The following ZNF254 variants were observed in gnomAD, a reference collection of about 807,000 sequenced individuals.
The protein encoded by ZNF254 is CTD-2017D11.1.
ZNF254 carries 10 observed loss-of-function variants against 12.4 expected under a neutral mutation model. That is an observed-to-expected ratio of 0.80 (90% CI 0.50 to 1.36). The LOEUF is 1.36. Ranked by LOEUF, ZNF254 falls within the 40% of genes most tolerant of loss-of-function variation. The pLI is 0.00. For synonymous variants in ZNF254, 305 were observed against 253.4 expected, an observed-to-expected ratio of 1.20 and a Z score of -1.93; for missense variants, 996 against 763.9, an observed-to-expected ratio of 1.30 and a Z score of -3.58.
At position 24,127,915 on chromosome 19, in the gene ZNF254, T is replaced by C. The variant is rs200854021; in HGVS notation, c.1915T>C (p.Phe639Leu). 180 of 1,610,620 alleles carry C rather than the reference T, an allele frequency of 1.1e-4. No homozygotes were observed. Among genetic ancestry groups the C allele is most frequent in the Middle Eastern group, 5.0e-4 (3 of 6,042 alleles). ...PYKWEKFGKAFNRSSHLTTDK... is the reference protein window; with the variant it reads ...PYKWEKFGKALNRSSHLTTDK... ...CAAATGGGAAAAATTTGGCAAAGCC[T>C]TTAATCGGTCCTCGCACCTCACCAC... The change falls in exon 4 of 4, where the codon TTT becomes CTT. Residue 639 changes from phenylalanine to leucine, a missense_variant. By Grantham distance (22) the Phe-to-Leu change is conservative. Transcript: ENST00000357002.
intron 3 of ZNF254, among the ~76,000 whole-genome samples, chr19:24,125,472 A>G (rs1338551506): frequency 2.6e-5 from 4 of 151,720 alleles, no homozygotes; most frequent in Admixed American, 6.6e-5. Context: ...GTATTGCCCT[A>G]TTTTGTATAT....
intron 1 of ZNF254, among the ~76,000 whole-genome samples, chr19:24,091,220 C>T (rs779419026): frequency 2.6e-5 from 4 of 151,282 alleles, no homozygotes; most frequent in Non-Finnish European, 5.9e-5. Context: ...GCTGGGATTA[C>T]AGGCATCAAC....
chr19:24,106,301 A>T (rs188175791), intron 2 of ZNF254: 1 of 584,658 alleles, frequency 1.7e-6, no homozygotes, highest in Admixed American at 4.1e-5. Context: ...GTTTAGTGGC[A>T]TAAAATATTG....
chr19:24,120,465 T>C (rs368904688), intron 3 of ZNF254, among the ~76,000 whole-genome samples: 1 of 152,298 alleles, frequency 6.6e-6, no homozygotes, highest in African/African-American at 2.4e-5. Flanking sequence ...TTAACATTTA[T>C]GCAGATTTTT....
intron 3 of ZNF254, among the ~76,000 whole-genome samples, chr19:24,108,700 C>T (rs916172348): frequency 6.6e-6 from 1 of 151,998 alleles, no homozygotes; most frequent in African/African-American, 2.4e-5. Context: ...AAATAAGGCA[C>T]CTTTAATTTT....
At chr19:24,082,191 C>G (rs905824671), upstream of ZNF254, among the ~76,000 whole-genome samples, 4 of 151,522 alleles carry the variant, frequency 2.6e-5, no homozygotes, top group Admixed American at 2.0e-4. Flanking sequence ...TTCTTTATCA[C>G]AAACCCTTGT....
chr19:24,100,584 A>G (rs1972956676), intron 1 of ZNF254, among the ~76,000 whole-genome samples: 1 of 152,050 alleles, frequency 6.6e-6, no homozygotes, highest in Non-Finnish European at 1.5e-5. Flanking sequence ...ACTGGACACT[A>G]TATTCTATAC....
chr19:24,059,926 A>G (rs560789175), intron 2 of ZNF254, among the ~76,000 whole-genome samples: 28 of 152,052 alleles, frequency 1.8e-4, no homozygotes, highest in Non-Finnish European at 3.1e-4. Context: ...GCTTTGTGGC[A>G]TGTCTCTGGC....
intron 3 of ZNF254, among the ~76,000 whole-genome samples, chr19:24,110,907 A>G (rs1198367993): frequency 2.0e-5 from 3 of 152,056 alleles, no homozygotes; most frequent in East Asian, 1.9e-4. Flanking sequence ...CAGTAAAACA[A>G]TAGCTTAAGA....
At chr19:24,055,231 AAG>A (rs1491490914) in intron 2 of ZNF254, among the ~76,000 whole-genome samples, 5 of 146,040 alleles carry the variant, frequency 3.4e-5, no homozygotes, top group African/African-American at 5.1e-5. Context: ...AAAAAAAAAA[AAG>A]AGTGTACTAA....
intron 3 of ZNF254, among the ~76,000 whole-genome samples, chr19:24,111,222 G>T (rs1234327383): frequency 1.3e-5 from 2 of 150,862 alleles, no homozygotes; most frequent in Non-Finnish European, 2.9e-5. Flanking sequence ...TTGTTCTTGC[G>T]ATAGTTTACT....
rs148025313 is a variant in ZNF254 at position 24,126,965 on chromosome 19, A to G, written c.965A>G (p.Tyr322Cys). ...AAAATTCATACTAGAAAGAAACCCT[A>G]CAAGTGTGAAGAATGTGGCAAAGCA... ...HKKIHTRKKP[Y>C]KCEECGKAFI... The change falls in exon 4 of 4, where the codon TAC (tyrosine) becomes TGC (cysteine). Residue 322 changes from tyrosine to cysteine, a missense_variant. Tyr to Cys is a radical substitution (Grantham distance 194, BLOSUM62 -2). Coordinates refer to ENST00000357002, the MANE Select transcript of ZNF254 (RefSeq NM_203282.4). The G allele has an allele frequency of 1.8e-5, 29 of 1,613,548 alleles. No individual in the cohort carries two copies. Among genetic ancestry groups the G allele is most frequent in the African/African-American group, 1.1e-4 (8 of 74,900 alleles).
At chr19:24,068,328 TCTCA>T (rs1009094292) in intron 2 of ZNF254, among the ~76,000 whole-genome samples, 29 of 151,062 alleles carry the variant, frequency 1.9e-4, no homozygotes, top group African/African-American at 6.8e-4. Flanking sequence ...TGAGGCAGAG[TCTCA>T]CTCTGTTGCC....
At chr19:24,090,930 T>C (rs1972335554) in intron 1 of ZNF254, among the ~76,000 whole-genome samples, 1 of 151,428 alleles carries the variant, frequency 6.6e-6, no homozygotes, top group Non-Finnish European at 1.5e-5. Flanking sequence ...ATGTTTTTTT[T>C]TATGGAGGAG....
intron 2 of ZNF254, among the ~76,000 whole-genome samples, chr19:24,073,441 A>G (rs1450799723): frequency 6.6e-6 from 1 of 152,236 alleles, no homozygotes; most frequent in Non-Finnish European, 1.5e-5. Context: ...AAAGTTTCAG[A>G]GAAAATTGTG....
intron 1 of ZNF254, among the ~76,000 whole-genome samples, chr19:24,094,667 A>T (rs1027011991): frequency 3.3e-5 from 5 of 151,868 alleles, no homozygotes; most frequent in African/African-American, 4.8e-5. Flanking sequence ...CCAGTTTCCA[A>T]AGAAGAATGC....
chr19:24,043,014 TTTTG>T (rs752991907), intron 1 of ZNF254, among the ~76,000 whole-genome samples: 5 of 152,202 alleles, frequency 3.3e-5, no homozygotes, highest in African/African-American at 4.8e-5. Flanking sequence ...TTTTAGGTTT[TTTTG>T]TTTGTTTTTT....
At chr19:24,079,346 T>G (rs1285031317) in intron 2 of ZNF254, 1 of 152,208 alleles carries the variant, frequency 6.6e-6, no homozygotes, top group Non-Finnish European at 1.5e-5. Context: ...AAAGTTCTAT[T>G]GAGAACCATT....
intron 3 of ZNF254, among the ~76,000 whole-genome samples, chr19:24,116,140 G>GT (rs1555768521): frequency 5.9e-5 from 9 of 151,928 alleles, no homozygotes; most frequent in Non-Finnish European, 8.8e-5. Context: ...TTTTTCCTTC[G>GT]TTTCAACTTT....
Sources: gnomAD v4.1 joint callset for allele counts (sites outside exome capture counted in the v4.1 genomes callset) on GRCh38, gnomAD v4.1.1 for gene constraint, MANE v1.5 for transcripts, NCBI Gene and HGNC (gene_info 2026-07-23, HGNC 2026-07-21) for gene names.